Variants in IRF5 observed in about 807,000 individuals in gnomAD.
The protein encoded by IRF5 is interferon regulatory factor 5.
A neutral mutation model predicts 55.1 loss-of-function variants in IRF5; 24 were observed. The observed-to-expected ratio is 0.44, with a 90% CI of 0.32 to 0.61. IRF5 has a LOEUF of 0.61. Ranked by LOEUF, IRF5 falls within the 20% of genes least tolerant of loss-of-function variation. The probability of loss-of-function intolerance (pLI) is 0.07; values close to 1 mark genes in which losing one functional copy is unlikely to be tolerated. For synonymous variants in IRF5, 258 were observed against 260.2 expected, an observed-to-expected ratio of 0.99 and a Z score of 0.08; for missense variants, 499 against 658.5, an observed-to-expected ratio of 0.76 and a Z score of 2.65.
At chr7:128,943,326 C>T (rs895720351) in intron 2 of IRF5, among the ~76,000 whole-genome samples, 14 of 151,606 alleles carry the variant, frequency 9.2e-5, no homozygotes, top group African/African-American at 2.2e-4. Context: ...CCACCATGCC[C>T]GGCCCAATCT....
rs1487933683 is a variant in IRF5, at chr7:128,948,686, G to A, written c.1413G>A (p.Val471=). The change falls in exon 9 of 9, where the codon GTG becomes GTA. Residue 471 remains valine (V), a synonymous_variant. Transcript: ENST00000357234. The surrounding 1 kb of genome is among the most constrained non-coding windows in gnomAD (Gnocchi z 4.6). ...ISNPDLKDRM[V]EQFKELHHIW... is the part of the protein sequence containing the mutation. ...ACCCAGACCTCAAAGACCGCATGGT[G>A]GAGCAATTCAAGGAGCTCCATCACA... 1 of 1,614,200 alleles carries A rather than the reference G, an allele frequency of 6.2e-7. No individual in the cohort carries two copies.
chr7:128,944,320 T>C lies in IRF5; in HGVS notation c.196-1525T>C, dbSNP rs575807407. Among the ~76,000 whole-genome samples, 11 of 152,364 alleles carry C rather than the reference T, an allele frequency of 7.2e-5. 1 individual carries two copies. The South Asian group carries it at 2.3e-3, about 32-fold the overall frequency. ...CACATTGTCATGTAGGCTGTCTTAA[T>C]GCTTCCCTTTTTTTCATCCTCAATT... On this transcript the variant is annotated intron_variant, in intron 2 of 8. Coordinates refer to ENST00000357234, the MANE Select transcript of IRF5 (RefSeq NM_001098629.3).
At chr7:128,938,088 GCC>G (rs1795830371) in intron 1 of IRF5, 39 bp downstream of exon 1, 1 of 152,174 alleles carries the variant, frequency 6.6e-6, no homozygotes, top group Non-Finnish European at 1.5e-5. Flanking sequence ...CTGCGTCCGC[GCC>G]CGGCGCGCCC....
intron 1 of IRF5, among the ~76,000 whole-genome samples, chr7:128,938,682 G>A (rs1029422302): frequency 2.6e-5 from 4 of 152,194 alleles, no homozygotes; most frequent in Admixed American, 6.5e-5. Context: ...CGTCCCCCGA[G>A]CAGCGGAAAA....
chr7:128,949,893 T>G lies in IRF5; in HGVS notation c.*1075T>G, dbSNP rs963722056. 2 of 152,276 alleles carry G rather than the reference T, an allele frequency of 1.3e-5. No homozygotes were observed. Among genetic ancestry groups the G allele is most frequent in the East Asian group, 3.9e-4 (2 of 5,180 alleles). 9.4% of individuals were successfully genotyped at this position (152,276 alleles called of 1,614,324 possible). ...GGCACCTACCCGCTCTCACTTCATCTGTGTCATCTCTGCACACTCCAGCCC... is the reference window on the plus strand; with the variant it reads ...GGCACCTACCCGCTCTCACTTCATCGGTGTCATCTCTGCACACTCCAGCCC... On this transcript the variant is annotated 3_prime_UTR_variant, in exon 9 of 9. Coordinates refer to ENST00000357234, the MANE Select transcript of IRF5 (RefSeq NM_001098629.3).
At position 128,948,916 on chromosome 7, in the gene IRF5, G is replaced by GTCCT. The variant is rs1410315128; in HGVS notation, c.*99_*102dup. On this transcript the variant is annotated 3_prime_UTR_variant, in exon 9 of 9. Transcript: ENST00000357234. This position sits in a 1 kb window ranked among gnomAD's most constrained non-coding sequence, Gnocchi z 4.6. ...CGATGAGCACCTGGCTGGCTGCAGG[G>GTCCT]TCCTACCTCTGGGTTTCCTGGAAGT... is the stretch of plus-strand genomic sequence containing the variant. 6.9e-7 allele frequency: 1 copy of GTCCT among 1,439,778 alleles called. No homozygotes were observed. The highest frequency in any genetic ancestry group is 1.4e-5 in the African/African-American group (1 of 70,748). The allele number at this position is 1,439,778 out of a possible 1,614,324, so 89.2% of individuals were successfully genotyped here.
At position 128,947,084 on chromosome 7, in the gene IRF5, T is replaced by A; in HGVS notation, c.481+28T>A. On this transcript the variant is annotated intron_variant, in intron 5 of 8. Coordinates refer to ENST00000357234, the MANE Select transcript of IRF5 (RefSeq NM_001098629.3). The surrounding 1 kb of genome is among the most constrained non-coding windows in gnomAD (Gnocchi z 6.5). ...GGGGCCGGGAGGTGGTGGTTGGGGG[T>A]CTAGTATACAGAGAAGCTATAGGTA... The A allele has an allele frequency of 6.2e-7, 1 of 1,613,406 alleles. No individual in the cohort carries two copies. The highest frequency in any genetic ancestry group is 8.5e-7 in the Non-Finnish European group (1 of 1,179,828).
chr7:128,938,962 C>G (rs1160937158), intron 1 of IRF5, among the ~76,000 whole-genome samples: 1 of 149,718 alleles, frequency 6.7e-6, no homozygotes, highest in South Asian at 2.1e-4. Flanking sequence ...GAGGAGAGGT[C>G]CAGAGGCCGA....
At position 128,946,113 on chromosome 7, in the gene IRF5, G is replaced by T; in HGVS notation, c.385+79G>T. 7.5e-7 allele frequency: 1 copy of T among 1,335,990 alleles called. No individual in the cohort carries two copies. 82.8% of individuals were successfully genotyped at this position (1,335,990 alleles called of 1,614,324 possible). On this transcript the variant is annotated intron_variant, in intron 3 of 8. Transcript: ENST00000357234. This position sits in a 1 kb window ranked among gnomAD's most constrained non-coding sequence, Gnocchi z 4.2. ...CCCCAGCCATGAGCTCTTGGGTGCA[G>T]GCAGGCCAAGGGCCCCTCTAGCAGG...
rs1585294376 is a variant in IRF5, at chr7:128,942,169, T to C, written c.88T>C (p.Tyr30His). 1.2e-6 allele frequency: 2 copies of C among 1,613,854 alleles called. No individual in the cohort carries two copies. Among genetic ancestry groups the C allele is most frequent in the East Asian group, 2.2e-5 (1 of 44,882 alleles). Reference protein sequence around the residue: ...WLVAQVNSCQYPGLQWVNGEK... With the variant: ...WLVAQVNSCQHPGLQWVNGEK... ...GGTGGCCCAGGTGAACAGCTGCCAG[T>C]ACCCAGGGCTTCAATGGGTCAACGG... The change falls in exon 2 of 9, where the codon TAC becomes CAC. Residue 30 changes from tyrosine (Y) to histidine (H), a missense_variant. Tyr to His is a moderately conservative substitution (Grantham distance 83). Coordinates refer to ENST00000357234, the MANE Select transcript of IRF5 (RefSeq NM_001098629.3).
rs1585312797 is a variant in IRF5 at position 128,949,873 on chromosome 7, C to CT, written c.*1056dup. 6.6e-6 allele frequency: 1 copy of CT among 152,058 alleles called. No individual in the cohort carries two copies. The highest frequency in any genetic ancestry group is 1.9e-4 in the East Asian group (1 of 5,194). 9.4% of individuals were successfully genotyped at this position (152,058 alleles called of 1,614,324 possible). On this transcript the variant is annotated 3_prime_UTR_variant, in exon 9 of 9. Coordinates refer to ENST00000357234, the MANE Select transcript of IRF5 (RefSeq NM_001098629.3). ...AGCTGGTTGTTAAAGAGCCTGGCACCTACCCGCTCTCACTTCATCTGTGTC... is the reference window on the plus strand; with the variant it reads ...AGCTGGTTGTTAAAGAGCCTGGCACCTTACCCGCTCTCACTTCATCTGTGTC...
At position 128,948,961 on chromosome 7, in the gene IRF5, G is replaced by C. The variant is rs1313758970; in HGVS notation, c.*143G>C. The C allele has an allele frequency of 3.0e-6, 3 of 1,008,440 alleles. No individual in the cohort carries two copies. Among genetic ancestry groups the C allele is most frequent in the Non-Finnish European group, 4.3e-6 (3 of 704,908 alleles). The allele number at this position is 1,008,440 out of a possible 1,614,324, so 62.5% of individuals were successfully genotyped here. On this transcript the variant is annotated 3_prime_UTR_variant, in exon 9 of 9. Coordinates refer to ENST00000357234, the MANE Select transcript of IRF5 (RefSeq NM_001098629.3). The surrounding 1 kb of genome is among the most constrained non-coding windows in gnomAD (Gnocchi z 4.6). Reference sequence around the variant, plus strand: ...GGAAGTGGATTTGGGCCAAGAAGGAGAGGGAGAAAGGCCCGAGCCCCTGCC... The same window carrying C: ...GGAAGTGGATTTGGGCCAAGAAGGACAGGGAGAAAGGCCCGAGCCCCTGCC...
At chr7:128,944,429 T>A (rs1326982684) in intron 2 of IRF5, among the ~76,000 whole-genome samples, 1 of 152,240 alleles carries the variant, frequency 6.6e-6, no homozygotes, top group Non-Finnish European at 1.5e-5. Context: ...ACATATTTTC[T>A]TAGTTTTTGG....
Position 128,946,417 on chromosome 7 carries a change from G to C in IRF5, c.386-84G>C. ...TGGGGAAGGCAGAAGCTGCATAGGA[G>C]CTACAGGCAGCCTCTCAGGGGATCT... On this transcript the variant is annotated intron_variant, in intron 3 of 8. Transcript: ENST00000357234. This position sits in a 1 kb window ranked among gnomAD's most constrained non-coding sequence, Gnocchi z 4.2. 1 of 1,499,876 alleles carries C rather than the reference G, an allele frequency of 6.7e-7. No individual in the cohort carries two copies. The highest frequency in any genetic ancestry group is 9.1e-7 in the Non-Finnish European group (1 of 1,104,162). The allele number at this position is 1,499,876 out of a possible 1,614,324, so 92.9% of individuals were successfully genotyped here.
Position 128,946,932 on chromosome 7 carries a change from G to T in IRF5, c.448-91G>T. On this transcript the variant is annotated intron_variant, in intron 4 of 8. Coordinates refer to ENST00000357234, the MANE Select transcript of IRF5 (RefSeq NM_001098629.3). This position sits in a 1 kb window ranked among gnomAD's most constrained non-coding sequence, Gnocchi z 4.2. ...CTAGGGGAGTTGCCTCATAGTTCTC[G>T]CCTGTTATTTCCCCAGCCCCAGGTC... 2.0e-6 allele frequency: 3 copies of T among 1,510,850 alleles called. No homozygotes were observed. The East Asian group carries it at 6.8e-5, about 34-fold the overall frequency. The allele number at this position is 1,510,850 out of a possible 1,614,324, so 93.6% of individuals were successfully genotyped here. A position where few individuals can be genotyped will look rare whatever the true frequency, so the allele number is the denominator to read the frequency against.
chr7:128,949,990 C>A lies in IRF5; in HGVS notation c.*1172C>A, dbSNP rs1317337592. 6.6e-6 allele frequency: 1 copy of A among 152,228 alleles called. No individual in the cohort carries two copies. Among genetic ancestry groups the A allele is most frequent in the Non-Finnish European group, 1.5e-5 (1 of 68,048 alleles). The allele number at this position is 152,228 out of a possible 1,614,324, so 9.4% of individuals were successfully genotyped here. On this transcript the variant is annotated 3_prime_UTR_variant, in exon 9 of 9. Coordinates refer to ENST00000357234, the MANE Select transcript of IRF5 (RefSeq NM_001098629.3). ...CAGGTGCAGATGCCCAATCTTGATG[C>A]CCAGCCATCAGAACTGTGAGCCAAA...
At chr7:128,939,176 G>A (rs1795892795) in intron 1 of IRF5, among the ~76,000 whole-genome samples, 1 of 152,104 alleles carries the variant, frequency 6.6e-6, no homozygotes, top group Non-Finnish European at 1.5e-5. Flanking sequence ...TAGCCCCTCA[G>A]GAGGCCCTCT....
At chr7:128,939,707 G>C (rs555613516) in intron 1 of IRF5, among the ~76,000 whole-genome samples, 6 of 152,304 alleles carry the variant, frequency 3.9e-5, no homozygotes, top group Admixed American at 3.9e-4. Context: ...CATGGCCCTG[G>C]GGTGAGCTGT....
chr7:128,946,882 G>A lies in IRF5; in HGVS notation c.448-141G>A, dbSNP rs375259154. 3.0e-6 allele frequency: 3 copies of A among 1,015,842 alleles called. No individual in the cohort carries two copies. The highest frequency in any genetic ancestry group is 1.9e-5 in the Admixed American group (1 of 51,390). 62.9% of individuals were successfully genotyped at this position (1,015,842 alleles called of 1,614,324 possible). A position where few individuals can be genotyped will look rare whatever the true frequency, so the allele number is the denominator to read the frequency against. The stretch of plus-strand genomic sequence containing the variant: ...GATGGACGAGCTGGGACCGGAGGCA[G>A]GGTCTTGCCTGAGCTAAACTGAGGC... On this transcript the variant is annotated intron_variant, in intron 4 of 8. Coordinates refer to ENST00000357234, the MANE Select transcript of IRF5 (RefSeq NM_001098629.3). This position sits in a 1 kb window ranked among gnomAD's most constrained non-coding sequence, Gnocchi z 4.2.
Sources: gnomAD v4.1 joint callset for allele counts (sites outside exome capture counted in the v4.1 genomes callset) on GRCh38, gnomAD v4.1.1 for gene constraint, Gnocchi (gnomAD v3.1) non-coding constraint, MANE v1.5 for transcripts, NCBI Gene and HGNC (gene_info 2026-07-23, HGNC 2026-07-21) for gene names.